Variants in DCT observed in about 807,000 individuals in gnomAD.
DCT encodes dopachrome tautomerase, also known as L-dopachrome tautomerase.
A neutral mutation model predicts 53.0 loss-of-function variants in DCT; 47 were observed. The ratio of observed to expected loss-of-function variants is 0.89; its 90% CI spans 0.70 to 1.13. DCT has a LOEUF of 1.13. DCT is among the 50% of genes most tolerant of loss of function. The pLI, the probability that DCT is intolerant of heterozygous loss-of-function variation, is 0.00. For missense variants in DCT, 669 were observed against 637.4 expected, an observed-to-expected ratio of 1.05 and a Z score of -0.53; for synonymous variants, 244 against 237.0, an observed-to-expected ratio of 1.03 and a Z score of -0.27.
chr13:94,486,819 T>C, the DCT span, among the ~76,000 whole-genome samples: 2 of 152,218 alleles, frequency 1.3e-5, no homozygotes, highest in Admixed American at 6.5e-5. Flanking sequence ...TTCCCTTATG[T>C]TCCTGGGTTC....
intron 6 of DCT, among the ~76,000 whole-genome samples, chr13:94,455,269 C>T (rs546035769): frequency 1.6e-4 from 24 of 152,086 alleles, no homozygotes; most frequent in African/African-American, 5.3e-4. Flanking sequence ...ATAGTCCTAG[C>T]TACTTGGGAG....
At chr13:94,468,601 T>C in intron 2 of DCT, 145 bp downstream of exon 2, 1 of 734,974 alleles carries the variant, frequency 1.4e-6, no homozygotes, top group Non-Finnish European at 2.3e-6. Flanking sequence ...CAGGCGGTAT[T>C]TGATAATTCT....
At chr13:94,444,330 T>C in intron 6 of DCT, 3 of 498,580 alleles carry the variant, frequency 6.0e-6, no homozygotes, top group South Asian at 1.5e-5. Flanking sequence ...TGTATCAATA[T>C]TATAATATAA....
chr13:94,440,094 G>A lies in DCT; in HGVS notation c.1382-18C>T, dbSNP rs1882182265. 1 of 1,603,444 alleles carries A rather than the reference G, an allele frequency of 6.2e-7. No individual in the cohort carries two copies. Among genetic ancestry groups the A allele is most frequent in the Non-Finnish European group, 8.5e-7 (1 of 1,174,676 alleles). ...AACTGAAACTAAAGCAGAAGAGAAG[G>A]GTCTACAATCAGGATTTTCATCAGC... On this transcript the variant is annotated intron_variant, in intron 7 of 7. Transcript: ENST00000377028.
chr13:94,463,888 C>A, intron 4 of DCT, among the ~76,000 whole-genome samples: 1 of 152,160 alleles, frequency 6.6e-6, no homozygotes, highest in East Asian at 1.9e-4. Flanking sequence ...AAGTGGATTC[C>A]AATGGGATGT....
At chr13:94,525,413 T>C in the DCT span, among the ~76,000 whole-genome samples, 1 of 152,084 alleles carries the variant, frequency 6.6e-6, no homozygotes, top group Non-Finnish European at 1.5e-5. Flanking sequence ...AGGTGATACA[T>C]TTCTGATGTT....
At chr13:94,513,455 C>T in the DCT span, among the ~76,000 whole-genome samples, 3 of 152,290 alleles carry the variant, frequency 2.0e-5, no homozygotes, top group South Asian at 2.1e-4. Context: ...AATTTTAGCA[C>T]ACCAAGCAAT....
At position 94,438,448 on chromosome 13, in the gene DCT, G is replaced by T. The variant is rs1490893646; in HGVS notation, c.*1450C>A. 3 of 325,562 alleles carry T rather than the reference G, an allele frequency of 9.2e-6. No homozygotes were observed. Among genetic ancestry groups the T allele is most frequent in the Non-Finnish European group, 1.8e-5 (3 of 164,884 alleles). 20.2% of individuals were successfully genotyped at this position (325,562 alleles called of 1,614,324 possible). On this transcript the variant is annotated 3_prime_UTR_variant, in exon 8 of 8. Transcript: ENST00000377028. ...GGCTTTAGCAGTCCTTTTGCATGGG[G>T]TAAACTGGTTCTTGATGAGTCTTGC...
Position 94,439,720 on chromosome 13 carries a change from C to A in DCT, c.*178G>T. On this transcript the variant is annotated 3_prime_UTR_variant, in exon 8 of 8. Coordinates refer to ENST00000377028, the MANE Select transcript of DCT (RefSeq NM_001922.5). ...AAGCACTTTAGTTGGGTTTGTTAAA[C>A]AAGCAAGCAAAGCGGAAACTACAGC... is the stretch of plus-strand genomic sequence containing the variant. 1 of 449,414 alleles carries A rather than the reference C, an allele frequency of 2.2e-6. No homozygotes were observed. The highest frequency in any genetic ancestry group is 3.8e-6 in the Non-Finnish European group (1 of 259,814). The allele number at this position is 449,414 out of a possible 1,614,324, so 27.8% of individuals were successfully genotyped here. A position where few individuals can be genotyped will look rare whatever the true frequency, so the allele number is the denominator to read the frequency against.
rs527876661 is a variant in DCT at position 94,448,243 on chromosome 13, TCAA to T, written c.1180-4609_1180-4607del. 1.8e-3 allele frequency among the ~76,000 whole-genome samples: 266 copies of T among 151,740 alleles called. 3 individuals carry two copies. Among genetic ancestry groups the T allele is most frequent in the African/African-American group, 5.7e-3 (237 of 41,336 alleles). On this transcript the variant is annotated intron_variant, in intron 6 of 7. Transcript: ENST00000377028. ...CTGAGTGACAGAGCGAGATACTGTC[TCAA>T]CAACAACAACAACAACAACAACAAA...
chr13:94,491,320 C>A, the DCT span, among the ~76,000 whole-genome samples: 1 of 152,188 alleles, frequency 6.6e-6, no homozygotes, highest in Non-Finnish European at 1.5e-5. Context: ...TAATATAGAA[C>A]TCCAATCTTA....
the DCT span, among the ~76,000 whole-genome samples, chr13:94,496,846 T>TGGGC: frequency 6.6e-6 from 1 of 152,144 alleles, no homozygotes; most frequent in Non-Finnish European, 1.5e-5. Flanking sequence ...TAGTGTCTAG[T>TGGGC]GGGCTGTGAA....
At chr13:94,503,331 G>A in the DCT span, among the ~76,000 whole-genome samples, 1 of 150,268 alleles carries the variant, frequency 6.7e-6, no homozygotes, top group Non-Finnish European at 1.5e-5. Context: ...AGTGAGCCAA[G>A]ATCACGCCAC....
chr13:94,509,835 T>G, the DCT span, among the ~76,000 whole-genome samples: 1 of 152,208 alleles, frequency 6.6e-6, no homozygotes, highest in Admixed American at 6.5e-5. Flanking sequence ...TGTTATCTAC[T>G]ATGATCACTA....
At chr13:94,502,453 GGA>G in the DCT span, among the ~76,000 whole-genome samples, 1 of 152,152 alleles carries the variant, frequency 6.6e-6, no homozygotes, top group South Asian at 2.1e-4. Flanking sequence ...AGACTCTTTG[GGA>G]GAGTGGCCTG....
At chr13:94,532,565 T>G in the DCT span, among the ~76,000 whole-genome samples, 2 of 152,072 alleles carry the variant, frequency 1.3e-5, no homozygotes, top group Non-Finnish European at 2.9e-5. Flanking sequence ...ATGTTCTCAC[T>G]CATAGGTGGG....
chr13:94,529,236 CAGA>C, the DCT span, among the ~76,000 whole-genome samples: 1 of 152,152 alleles, frequency 6.6e-6, no homozygotes, highest in Non-Finnish European at 1.5e-5. Context: ...ATCAATGAGA[CAGA>C]AGGTTAACAA....
At chr13:94,447,753 C>A (rs1296228367) in intron 6 of DCT, among the ~76,000 whole-genome samples, 1 of 152,034 alleles carries the variant, frequency 6.6e-6, no homozygotes, top group Non-Finnish European at 1.5e-5. Context: ...TATCAGGACA[C>A]AAGGAAGATG....
the DCT span, among the ~76,000 whole-genome samples, chr13:94,536,508 C>G: frequency 6.6e-6 from 1 of 152,108 alleles, no homozygotes; most frequent in Non-Finnish European, 1.5e-5. Context: ...GGTTGGTGCC[C>G]TCCCCATGGT....
Sources: gnomAD v4.1 joint callset for allele counts (sites outside exome capture counted in the v4.1 genomes callset) on GRCh38, gnomAD v4.1.1 for gene constraint, MANE v1.5 for transcripts, NCBI Gene and HGNC (gene_info 2026-07-23, HGNC 2026-07-21) for gene names.